EIF3H: variants seen among roughly 807,000 people sequenced by gnomAD.
EIF3H encodes the protein eukaryotic translation initiation factor 3 subunit H, also known as eIF-3-gamma.
EIF3H carries 26 observed loss-of-function variants against 44.2 expected under a neutral mutation model. That is an observed-to-expected ratio of 0.59 (90% CI 0.43 to 0.82). The LOEUF (loss-of-function observed/expected upper bound fraction) is 0.82. Among genes scored for constraint, EIF3H ranks in the 40% least tolerant of loss-of-function variants. EIF3H has a pLI of 0.00. For missense variants in EIF3H, 359 were observed against 432.8 expected (o/e 0.83, Z 1.51); for synonymous variants, 166 against 151.9 (o/e 1.09, Z -0.68).
chr8:116,713,915 T>C (rs1443362173), intron 2 of EIF3H, among the ~76,000 whole-genome samples: 5 of 152,124 alleles, frequency 3.3e-5, no homozygotes, highest in African/African-American at 1.2e-4. Context: ...ATAATGCTTC[T>C]AAAACCAAGT....
At chr8:116,747,582 GA>G (rs1815259188) in intron 1 of EIF3H, among the ~76,000 whole-genome samples, 1 of 152,288 alleles carries the variant, frequency 6.6e-6, no homozygotes, top group Non-Finnish European at 1.5e-5. Flanking sequence ...ACTCAAGTCA[GA>G]AAACTGGAAG....
chr8:116,653,137 T>C (rs567079864), intron 5 of EIF3H, among the ~76,000 whole-genome samples: 5 of 152,112 alleles, frequency 3.3e-5, no homozygotes, highest in Admixed American at 3.3e-4. Context: ...ACCTTAAATC[T>C]TGGAGGTTGT....
intron 2 of EIF3H, among the ~76,000 whole-genome samples, chr8:116,724,792 T>A (rs1814806518): frequency 6.6e-6 from 1 of 151,986 alleles, no homozygotes; most frequent in South Asian, 2.1e-4. Context: ...AAATAACAAG[T>A]GTTGACAAGC....
rs368555154 is a variant in EIF3H at position 116,743,799 on chromosome 8, AACAC to A, written c.132+11863_132+11866del. 4.6e-3 allele frequency among the ~76,000 whole-genome samples: 404 copies of A among 86,926 alleles called. 1 individual carries two copies. The highest frequency in any genetic ancestry group is 0.012 in the East Asian group (26 of 2,160). 57.0% of individuals were successfully genotyped at this position (86,926 alleles called of 152,430 possible). The stretch of plus-strand genomic sequence containing the variant: ...ATATATATATATATATATATATATA[AACAC>A]ACACACACACACACACACACACACA... On this transcript the variant is annotated intron_variant, in intron 1 of 7. Coordinates refer to ENST00000521861, the MANE Select transcript of EIF3H (RefSeq NM_003756.3).
chr8:116,658,578 T>C (rs943199668), intron 3 of EIF3H: 2 of 400,164 alleles, frequency 5.0e-6, no homozygotes, highest in Non-Finnish European at 8.9e-6. Context: ...GGAATAGAAA[T>C]GAAGCAGCTA....
At chr8:116,680,636 G>T (rs1407842514) in intron 2 of EIF3H, among the ~76,000 whole-genome samples, 8 of 124,424 alleles carry the variant, frequency 6.4e-5, no homozygotes, top group African/African-American at 2.2e-4. Flanking sequence ...CAGCATGCTC[G>T]TTAAGAGTCA....
chr8:116,685,239 G>A (rs1814056155), intron 2 of EIF3H, among the ~76,000 whole-genome samples: 1 of 152,124 alleles, frequency 6.6e-6, no homozygotes, highest in South Asian at 2.1e-4. Flanking sequence ...CAGAACATCT[G>A]GTGAAACGTG....
At chr8:116,656,042 C>A in intron 4 of EIF3H, 37 bp from the exon 5 acceptor site, 2 of 1,599,562 alleles carry the variant, frequency 1.3e-6, no homozygotes, top group South Asian at 2.2e-5. Flanking sequence ...GTCTGATGGT[C>A]AAAAGTAAGT....
chr8:116,644,803 A>C lies in EIF3H; in HGVS notation c.*203T>G. The C allele has an allele frequency of 1.9e-6, 1 of 522,954 alleles. No individual in the cohort carries two copies. The highest frequency in any genetic ancestry group is 3.4e-6 in the Non-Finnish European group (1 of 293,342). 32.4% of individuals were successfully genotyped at this position (522,954 alleles called of 1,614,324 possible). The stretch of plus-strand genomic sequence containing the variant: ...AAGCAAACAAAAGTAAGCCAGAGAA[A>C]ATACATCTAAAATCAAATGAGCAAG... On this transcript the variant is annotated 3_prime_UTR_variant, in exon 8 of 8. Coordinates refer to ENST00000521861, the MANE Select transcript of EIF3H (RefSeq NM_003756.3).
chr8:116,659,509 G>A (rs996365446), intron 2 of EIF3H, among the ~76,000 whole-genome samples: 5 of 152,172 alleles, frequency 3.3e-5, no homozygotes, highest in Non-Finnish European at 7.3e-5. Flanking sequence ...GATTCAAAAT[G>A]TAAGAGTACA....
At chr8:116,718,666 G>A (rs1814693470) in intron 2 of EIF3H, among the ~76,000 whole-genome samples, 1 of 148,974 alleles carries the variant, frequency 6.7e-6, no homozygotes, top group Non-Finnish European at 1.5e-5. Context: ...AAGTGGGAGT[G>A]AAGCTATGAG....
intron 2 of EIF3H, among the ~76,000 whole-genome samples, chr8:116,680,853 AAAAG>A (rs1447924431): frequency 2.6e-5 from 4 of 151,566 alleles, no homozygotes; most frequent in Non-Finnish European, 4.4e-5. Flanking sequence ...TAAATAAAAA[AAAAG>A]AAAGTTAGCA....
chr8:116,648,965 A>C, intron 5 of EIF3H, 39 bp from the exon 6 acceptor site: 1 of 1,577,500 alleles, frequency 6.3e-7, no homozygotes, highest in South Asian at 1.1e-5. Flanking sequence ...GTCTTACTTT[A>C]AATTATAGCT....
chr8:116,726,800 C>A (rs1374793461), intron 1 of EIF3H, among the ~76,000 whole-genome samples: 1 of 152,172 alleles, frequency 6.6e-6, no homozygotes, highest in Non-Finnish European at 1.5e-5. Flanking sequence ...CTACTACTCT[C>A]TCCTTTAATA....
At chr8:116,752,812 G>GGAAGGAAGGAAA in intron 1 of EIF3H, among the ~76,000 whole-genome samples, 1 of 141,088 alleles carries the variant, frequency 7.1e-6, no homozygotes, top group Non-Finnish European at 1.5e-5. Flanking sequence ...AAGGAAGGAA[G>GGAAGGAAGGAAA]GAAGGAAGGA....
chr8:116,655,940 G>A lies in EIF3H; in HGVS notation c.623C>T (p.Ser208Leu), dbSNP rs747273145. Residue 208 changes from serine (S) to leucine (L), a missense_variant, in exon 5 of 8, where the codon TCA becomes TTA. Physicochemically the swap from Ser to Leu is moderately radical, Grantham distance 145 (BLOSUM62 -2). Around this residue, in one of 5 missense-constraint regions of EIF3H, gnomAD observed 85 missense variants for 79.2 expected, o/e 1.07. Transcript: ENST00000521861. ...CCACATTAGGACATTGATCAGATGT[G>A]AATTTTTAATTACAATCGGCACTTC... is the stretch of plus-strand genomic sequence containing the variant. ...FEEVPIVIKNSHLINVLMWEL... is the reference protein window; with the variant it reads ...FEEVPIVIKNLHLINVLMWEL... 4.3e-6 allele frequency: 7 copies of A among 1,613,666 alleles called. No individual in the cohort carries two copies. The Admixed American group carries it at 1.2e-4, about 27-fold the overall frequency.
At chr8:116,665,700 T>G (rs1357315052) in intron 2 of EIF3H, among the ~76,000 whole-genome samples, 2 of 152,212 alleles carry the variant, frequency 1.3e-5, no homozygotes, top group Non-Finnish European at 2.9e-5. Context: ...CCTTCCCAGC[T>G]GCAACATGGG....
intron 2 of EIF3H, among the ~76,000 whole-genome samples, chr8:116,672,433 G>A (rs942962041): frequency 5.9e-5 from 9 of 152,096 alleles, no homozygotes; most frequent in South Asian, 4.1e-4. Flanking sequence ...CGAGACCAGC[G>A]CAGATGACAT....
At chr8:116,666,235 T>G (rs1813663332) in intron 2 of EIF3H, among the ~76,000 whole-genome samples, 1 of 152,174 alleles carries the variant, frequency 6.6e-6, no homozygotes, top group Non-Finnish European at 1.5e-5. Flanking sequence ...AAAAAATATT[T>G]TTTTGAATGC....
Sources: allele counts gnomAD v4.1 joint callset (sites outside exome capture counted in the v4.1 genomes callset), GRCh38; gene constraint gnomAD v4.1.1; regional missense constraint gnomAD v4.1.1; transcripts MANE v1.5; gene names NCBI Gene and HGNC (gene_info 2026-07-23, HGNC 2026-07-21).